The following PTPRD variants were observed in gnomAD, a reference collection of about 807,000 sequenced individuals.
PTPRD encodes the protein protein tyrosine phosphatase receptor type D, also known as receptor-type tyrosine-protein phosphatase delta.
A neutral mutation model predicts 214.5 loss-of-function variants in PTPRD; 34 were observed. The ratio of observed to expected loss-of-function variants is 0.16; its 90% CI spans 0.12 to 0.21. PTPRD has a LOEUF of 0.21. PTPRD is among the 10% of genes least tolerant of loss of function. The pLI is 1.00. For synonymous variants in PTPRD, 1,128 were observed against 845.7 expected, an observed-to-expected ratio of 1.33 and a Z score of -5.79; for missense variants, 2,545 against 2,398.7, an observed-to-expected ratio of 1.06 and a Z score of -1.27.
chr9:9,789,663 G>A (rs763693539), intron 5 of PTPRD, among the ~76,000 whole-genome samples: 1 of 151,676 alleles, frequency 6.6e-6, no homozygotes, highest in Admixed American at 6.6e-5. Context: ...TGGGCGTGGT[G>A]GTGGGCGCCT....
intron 9 of PTPRD, among the ~76,000 whole-genome samples, chr9:9,312,893 C>A (rs981434703): frequency 6.6e-6 from 1 of 152,198 alleles, no homozygotes; most frequent in Non-Finnish European, 1.5e-5. Flanking sequence ...GTGTTAGTCG[C>A]AGGACATCCT....
intron 11 of PTPRD, among the ~76,000 whole-genome samples, chr9:8,772,040 T>C (rs1359387799): frequency 6.6e-6 from 1 of 152,080 alleles, no homozygotes; most frequent in Middle Eastern, 3.2e-3. Flanking sequence ...ATGCATTATA[T>C]GCCTGTAAAA....
At chr9:9,267,043 C>T (rs758420459) in intron 9 of PTPRD, among the ~76,000 whole-genome samples, 13 of 151,146 alleles carry the variant, frequency 8.6e-5, no homozygotes, top group African/African-American at 3.1e-4. Context: ...CATCAACAAA[C>T]TTTTAGCTAG....
At chr9:8,801,491 C>A (rs1013083877) in intron 11 of PTPRD, among the ~76,000 whole-genome samples, 1 of 152,032 alleles carries the variant, frequency 6.6e-6, no homozygotes, top group Non-Finnish European at 1.5e-5. Flanking sequence ...CTGAGGCGGG[C>A]GGACCACCTG....
intron 9 of PTPRD, among the ~76,000 whole-genome samples, chr9:9,274,759 C>G (rs116634481): frequency 2.7e-5 from 4 of 150,784 alleles, no homozygotes; most frequent in Admixed American, 1.3e-4. Context: ...TTAAGACACA[C>G]AGAATTCAAA....
intron 9 of PTPRD, among the ~76,000 whole-genome samples, chr9:9,197,773 T>G (rs1483489919): frequency 1.3e-5 from 2 of 152,188 alleles, no homozygotes; most frequent in Non-Finnish European, 2.9e-5. Flanking sequence ...CTGTCAACAC[T>G]CCTTTCATGT....
intron 2 of PTPRD, among the ~76,000 whole-genome samples, chr9:10,450,450 C>G (rs892879920): frequency 5.3e-5 from 8 of 151,878 alleles, no homozygotes; most frequent in South Asian, 4.2e-4. Context: ...GTCAATAATT[C>G]AGAGAGATTT....
intron 39 of PTPRD, among the ~76,000 whole-genome samples, chr9:8,353,936 A>G (rs571900213): frequency 2.5e-5 from 1 of 39,324 alleles, no homozygotes; most frequent in African/African-American, 1.3e-4. Flanking sequence ...ATGTGTGTGT[A>G]CATATATATA....
rs530610644 is a variant in PTPRD, at chr9:10,481,066, A to G, written c.-600+131332T>C. Among the ~76,000 whole-genome samples, 53 of 151,320 alleles carry G rather than the reference A, an allele frequency of 3.5e-4. 1 individual carries two copies. In the South Asian group the frequency reaches 0.01, roughly 29 times the overall value. On this transcript the variant is annotated intron_variant, in intron 2 of 45. Coordinates refer to ENST00000381196, the MANE Select transcript of PTPRD (RefSeq NM_002839.4). ...TTTTTTTTAAACAGTTCTGTTTGTT[A>G]TAGATGATCATTAAAAATCTATCCT...
At chr9:10,487,069 C>T (rs1268686638) in intron 2 of PTPRD, among the ~76,000 whole-genome samples, 1 of 152,078 alleles carries the variant, frequency 6.6e-6, no homozygotes, top group Non-Finnish European at 1.5e-5. Context: ...CACTCTTTTT[C>T]TCTTTTTATA....
intron 3 of PTPRD, among the ~76,000 whole-genome samples, chr9:10,118,343 A>C (rs547855288): frequency 6.6e-6 from 1 of 151,638 alleles, no homozygotes; most frequent in East Asian, 1.9e-4. Context: ...ATTAATGTAC[A>C]TATCTTTTTG....
At chr9:8,895,023 C>T (rs1485782498) in intron 11 of PTPRD, among the ~76,000 whole-genome samples, 1 of 152,212 alleles carries the variant, frequency 6.6e-6, no homozygotes, top group Admixed American at 6.5e-5. Context: ...TATATATTGT[C>T]ACAAGCTTTA....
intron 7 of PTPRD, among the ~76,000 whole-genome samples, chr9:9,694,976 A>G (rs1346026933): frequency 6.6e-6 from 1 of 152,092 alleles, no homozygotes; most frequent in Non-Finnish European, 1.5e-5. Flanking sequence ...GCTGGTACCT[A>G]GTGTGCAAGA....
At chr9:9,776,011 T>G (rs1158939820) in intron 5 of PTPRD, among the ~76,000 whole-genome samples, 1 of 144,914 alleles carries the variant, frequency 6.9e-6, no homozygotes, top group Admixed American at 6.9e-5. Flanking sequence ...CCCACTAAAG[T>G]TCTTAAAGAG....
intron 11 of PTPRD, among the ~76,000 whole-genome samples, chr9:8,940,279 CCT>C (rs2099023696): frequency 1.1e-5 from 1 of 89,346 alleles, no homozygotes; most frequent in African/African-American, 4.2e-5. Flanking sequence ...CTCTCTCTCT[CCT>C]TTTTTTTTTT....
chr9:8,722,855 C>T (rs1273884316), intron 12 of PTPRD, among the ~76,000 whole-genome samples: 5 of 152,152 alleles, frequency 3.3e-5, no homozygotes, highest in African/African-American at 1.2e-4. Flanking sequence ...GACATTTGTG[C>T]TTTTATTTAC....
At chr9:8,502,858 A>ATATT (rs2097442611) in intron 23 of PTPRD, among the ~76,000 whole-genome samples, 1 of 151,112 alleles carries the variant, frequency 6.6e-6, no homozygotes, top group African/African-American at 2.4e-5. Flanking sequence ...GTATATATAT[A>ATATT]TATATACACA....
chr9:10,460,728 C>A (rs913289453), intron 2 of PTPRD, among the ~76,000 whole-genome samples: 12 of 151,986 alleles, frequency 7.9e-5, no homozygotes, highest in Admixed American at 1.3e-4. Context: ...ACACCATACA[C>A]AAAAATCAAC....
intron 12 of PTPRD, among the ~76,000 whole-genome samples, chr9:8,711,283 C>G (rs1180235053): frequency 6.6e-6 from 1 of 151,852 alleles, no homozygotes; most frequent in Non-Finnish European, 1.5e-5. Context: ...TACTGTATAG[C>G]TAACAAGTAC....
Sources: gnomAD v4.1 joint callset for allele counts (sites outside exome capture counted in the v4.1 genomes callset) on GRCh38, gnomAD v4.1.1 for gene constraint, MANE v1.5 for transcripts, NCBI Gene and HGNC (gene_info 2026-07-23, HGNC 2026-07-21) for gene names.